The following GRIK2 variants were observed in gnomAD, a reference collection of about 807,000 sequenced individuals.
The protein encoded by GRIK2 is glutamate ionotropic receptor kainate type subunit 2.
GRIK2 carries 32 observed loss-of-function variants against 100.3 expected under a neutral mutation model. That is an observed-to-expected ratio of 0.32 (90% CI 0.24 to 0.43). The LOEUF (loss-of-function observed/expected upper bound fraction) is 0.43. Among genes scored for constraint, GRIK2 ranks in the 20% least tolerant of loss-of-function variants. The pLI, the probability that GRIK2 is intolerant of heterozygous loss-of-function variation, is 1.00. For missense variants in GRIK2, 843 were observed against 1,114.9 expected (o/e 0.76, Z 3.47); for synonymous variants, 417 against 389.4 (o/e 1.07, Z -0.83).
chr6:101,777,738 G>C (rs1418497925), intron 7 of GRIK2, among the ~76,000 whole-genome samples: 2 of 152,176 alleles, frequency 1.3e-5, no homozygotes, highest in Non-Finnish European at 2.9e-5. Flanking sequence ...AGCAAAATCT[G>C]AGATGTAGGA....
chr6:101,522,318 G>A (rs903071638), intron 2 of GRIK2, among the ~76,000 whole-genome samples: 7 of 151,958 alleles, frequency 4.6e-5, no homozygotes, highest in African/African-American at 1.5e-4. Flanking sequence ...CTCCTTTTGA[G>A]TCTCTGTGTA....
intron 4 of GRIK2, among the ~76,000 whole-genome samples, chr6:101,656,861 G>A (rs1277347760): frequency 1.3e-5 from 2 of 152,098 alleles, no homozygotes; most frequent in South Asian, 2.1e-4. Context: ...AATTGTTAAC[G>A]GGAAATAGAT....
intron 11 of GRIK2, among the ~76,000 whole-genome samples, chr6:101,872,976 A>C (rs1015415229): frequency 6.6e-6 from 1 of 151,942 alleles, no homozygotes. Context: ...CAGTGATACC[A>C]TAGTGAAGAT....
At chr6:101,738,781 G>A (rs540953406) in intron 7 of GRIK2, among the ~76,000 whole-genome samples, 37 of 152,218 alleles carry the variant, frequency 2.4e-4, no homozygotes, top group African/African-American at 7.0e-4. Context: ...CGCTGATAGG[G>A]CCCAAATAAA....
chr6:102,066,963 A>C (rs2114541421), intron 16 of GRIK2, among the ~76,000 whole-genome samples: 1 of 151,806 alleles, frequency 6.6e-6, no homozygotes, highest in African/African-American at 2.4e-5. Flanking sequence ...CAAAATCATA[A>C]AACTAGATAT....
chr6:101,935,680 AGT>A (rs767549771), intron 14 of GRIK2, among the ~76,000 whole-genome samples: 68 of 152,018 alleles, frequency 4.5e-4, no homozygotes, highest in Middle Eastern at 6.8e-3. Flanking sequence ...GTGTTCATGT[AGT>A]TTTCTTGCCT....
At chr6:101,738,088 A>C (rs2128375571) in intron 7 of GRIK2, among the ~76,000 whole-genome samples, 1 of 152,278 alleles carries the variant, frequency 6.6e-6, no homozygotes, top group African/African-American at 2.4e-5. Flanking sequence ...CTTGGTATTA[A>C]ACCATTGTGA....
intron 11 of GRIK2, among the ~76,000 whole-genome samples, chr6:101,865,639 C>A (rs570809900): frequency 6.6e-6 from 1 of 152,212 alleles, no homozygotes; most frequent in Admixed American, 6.5e-5. Flanking sequence ...GTAATCCCAG[C>A]ACTTTGGGTG....
chr6:101,793,487 G>A (rs1195158604), intron 7 of GRIK2, among the ~76,000 whole-genome samples: 1 of 152,176 alleles, frequency 6.6e-6, no homozygotes, highest in Non-Finnish European at 1.5e-5. Context: ...GACCCTGTTT[G>A]CCTGGGTATC....
intron 2 of GRIK2, among the ~76,000 whole-genome samples, chr6:101,616,732 A>G (rs1694477110): frequency 6.6e-6 from 1 of 151,754 alleles, no homozygotes; most frequent in South Asian, 2.1e-4. Flanking sequence ...GGACTTCAAT[A>G]AAGTTTGTGT....
intron 14 of GRIK2, among the ~76,000 whole-genome samples, chr6:101,951,767 A>C (rs956419808): frequency 6.6e-6 from 1 of 152,194 alleles, no homozygotes; most frequent in African/African-American, 2.4e-5. Context: ...GCCTGCTGCC[A>C]TGTTAGACAT....
intron 11 of GRIK2, among the ~76,000 whole-genome samples, chr6:101,865,177 A>G (rs542067684): frequency 6.6e-6 from 1 of 152,250 alleles, no homozygotes; most frequent in Non-Finnish European, 1.5e-5. Flanking sequence ...GAAAACAACT[A>G]TAGTAAAATG....
chr6:101,467,786 C>T (rs950680052), intron 2 of GRIK2, among the ~76,000 whole-genome samples: 57 of 152,156 alleles, frequency 3.7e-4, no homozygotes, highest in African/African-American at 1.3e-3. Flanking sequence ...CACTTCAGTT[C>T]ACATGATGAA....
chr6:101,865,466 TG>T (rs1212218503), intron 11 of GRIK2, among the ~76,000 whole-genome samples: 17 of 152,296 alleles, frequency 1.1e-4, no homozygotes, highest in Non-Finnish European at 2.4e-4. Flanking sequence ...ATCACAAAAA[TG>T]GAAACACTAA....
chr6:101,769,997 A>G (rs549192375), intron 7 of GRIK2, among the ~76,000 whole-genome samples: 3 of 152,286 alleles, frequency 2.0e-5, no homozygotes, highest in South Asian at 4.1e-4. Context: ...TAAGGTTCTG[A>G]TGGCCTTTGT....
rs893365159 is a variant in GRIK2, at chr6:101,539,328, C to A, written c.116-82621C>A. On this transcript the variant is annotated intron_variant, in intron 2 of 16. Transcript: ENST00000369134. ...AGACATCCCCGATAGGAATATCCAA[C>A]AAATATAAAGTACTGTAATCTAAAC... Among the ~76,000 whole-genome samples the A allele has an allele frequency of 2.0e-5, 3 of 151,692 alleles. No individual in the cohort carries two copies. In the East Asian group the frequency reaches 5.8e-4, roughly 29 times the overall value.
intron 14 of GRIK2, among the ~76,000 whole-genome samples, chr6:102,002,555 T>C (rs2114267288): frequency 6.6e-6 from 1 of 150,588 alleles, no homozygotes; most frequent in African/African-American, 2.4e-5. Flanking sequence ...TTATCTGCTC[T>C]TGAGTGTTGC....
intron 9 of GRIK2, among the ~76,000 whole-genome samples, chr6:101,816,547 C>T (rs1006858210): frequency 2.6e-5 from 4 of 151,866 alleles, no homozygotes; most frequent in Admixed American, 6.6e-5. Context: ...AAAAATTAGC[C>T]GAGCGTGTTG....
intron 2 of GRIK2, among the ~76,000 whole-genome samples, chr6:101,539,151 C>G (rs558095051): frequency 1.3e-5 from 2 of 151,806 alleles, no homozygotes; most frequent in East Asian, 3.9e-4. Flanking sequence ...AACACAGACT[C>G]TTAAAATAAA....
Sources: allele counts gnomAD v4.1 joint callset (sites outside exome capture counted in the v4.1 genomes callset), GRCh38; gene constraint gnomAD v4.1.1; transcripts MANE v1.5; gene names NCBI Gene and HGNC (gene_info 2026-07-23, HGNC 2026-07-21).